The following PITPNM3 variants were observed in gnomAD, a reference collection of about 807,000 sequenced individuals.
PITPNM3 encodes the protein membrane-associated phosphatidylinositol transfer protein 3.
PITPNM3 carries 26 observed loss-of-function variants against 102.0 expected under a neutral mutation model. The observed-to-expected ratio is 0.25, with a 90% CI of 0.19 to 0.35. The LOEUF is 0.35. PITPNM3 is among the 10% of genes least tolerant of loss of function. PITPNM3 has a pLI of 1.00. For missense variants in PITPNM3, 1,083 were observed against 1,346.1 expected (o/e 0.80, Z 3.06); for synonymous variants, 578 against 558.6 (o/e 1.03, Z -0.49).
At chr17:6,520,571 A>G (rs537522531) in intron 3 of PITPNM3, among the ~76,000 whole-genome samples, 34 of 152,264 alleles carry the variant, frequency 2.2e-4, no homozygotes, top group Admixed American at 2.0e-3. Context: ...ACGTTGATCA[A>G]CTCCACAAGG....
intron 10 of PITPNM3, among the ~76,000 whole-genome samples, chr17:6,474,002 G>T (rs1348382283): frequency 6.7e-6 from 1 of 148,264 alleles, no homozygotes; most frequent in Non-Finnish European, 1.5e-5. Context: ...AAAAAAGGTT[G>T]CAGGTATTGC....
chr17:6,478,230 T>C lies in PITPNM3; in HGVS notation c.778-133A>G, dbSNP rs1435531185. ...TTGGGAGGTGTTGAGAGAGCCCAAC[T>C]GGGAAGCAGTGTGCAAACTGGGGAG... On this transcript the variant is annotated intron_variant, in intron 7 of 19. Transcript: ENST00000262483. This position sits in a 1 kb window ranked among gnomAD's most constrained non-coding sequence, Gnocchi z 4.4. 4.5e-5 allele frequency: 65 copies of C among 1,445,456 alleles called. No individual in the cohort carries two copies. In the South Asian group the frequency reaches 7.7e-4, roughly 17 times the overall value. 89.5% of individuals were successfully genotyped at this position (1,445,456 alleles called of 1,614,324 possible).
chr17:6,455,257 C>T lies in PITPNM3; in HGVS notation c.*81G>A. 6.8e-7 allele frequency: 1 copy of T among 1,461,354 alleles called. No homozygotes were observed. Among genetic ancestry groups the T allele is most frequent in the South Asian group, 1.3e-5 (1 of 75,384 alleles). The allele number at this position is 1,461,354 out of a possible 1,614,324, so 90.5% of individuals were successfully genotyped here. On this transcript the variant is annotated 3_prime_UTR_variant, in exon 20 of 20. Transcript: ENST00000262483. ...GGAAAAAGCAGGAAAACGCCTGTGT[C>T]GGGGAGAGGGCAGCCCCCTCCCGTC...
chr17:6,496,682 T>C (rs185795097), intron 4 of PITPNM3, among the ~76,000 whole-genome samples: 2 of 152,286 alleles, frequency 1.3e-5, no homozygotes, highest in African/African-American at 4.8e-5. Context: ...CTCTATTTTA[T>C]CCCCAAAGAC....
intron 4 of PITPNM3, among the ~76,000 whole-genome samples, chr17:6,503,169 G>C (rs564359784): frequency 2.0e-5 from 3 of 152,074 alleles, no homozygotes; most frequent in Admixed American, 6.5e-5. Flanking sequence ...CCCCATCCCC[G>C]TCCTCCTCTC....
At position 6,483,626 on chromosome 17, in the gene PITPNM3, C is replaced by A. The variant is rs145057485; in HGVS notation, c.478G>T (p.Val160Leu). The A allele has an allele frequency of 4.3e-6, 7 of 1,613,966 alleles. No homozygotes were observed. The highest frequency in any genetic ancestry group is 1.3e-5 in the African/African-American group (1 of 74,886). The part of the protein sequence containing the change: ...KAADIHTFSS[V>L]LEKVTRAHFP... ...TGGGCTCGTGTGACCTTCTCCAGCA[C>A]GGAGCTGAAGGTGTGGATGTCGGCT... The change falls in exon 6 of 20, where the codon GTG becomes TTG. Residue 160 changes from valine to leucine, a missense_variant. Val to Leu is a conservative substitution (Grantham distance 32, BLOSUM62 1). Around this residue, in one of 5 missense-constraint regions of PITPNM3, gnomAD observed 290 missense variants for 337.8 expected, o/e 0.86. Transcript: ENST00000262483.
rs1567662882 is a variant in PITPNM3 at position 6,468,222 on chromosome 17, C to T, written c.1890+3G>A. 1 of 1,612,702 alleles carries T rather than the reference C, an allele frequency of 6.2e-7. No individual in the cohort carries two copies. The highest frequency in any genetic ancestry group is 8.5e-7 in the Non-Finnish European group (1 of 1,179,752). On this transcript the variant is annotated splice_donor_region_variant and intron_variant, in intron 14 of 19. Transcript: ENST00000262483. This position sits in a 1 kb window ranked among gnomAD's most constrained non-coding sequence, Gnocchi z 5.2. ...GCCACATGCGAACTGAGCATGCACG[C>T]ACCCTCAGCTTGACCTGAGTCCGCT...
At chr17:6,522,912 C>A (rs1908619584) in intron 3 of PITPNM3, among the ~76,000 whole-genome samples, 1 of 152,072 alleles carries the variant, frequency 6.6e-6, no homozygotes, top group African/African-American at 2.4e-5. Context: ...GTCTTTATTC[C>A]CCCTACATTG....
At chr17:6,509,159 C>T (rs1480698436) in intron 3 of PITPNM3, among the ~76,000 whole-genome samples, 1 of 152,222 alleles carries the variant, frequency 6.6e-6, no homozygotes, top group Non-Finnish European at 1.5e-5. Flanking sequence ...TGAACTCACA[C>T]AGCCCTGGAA....
chr17:6,553,996 T>C (rs977793326), intron 1 of PITPNM3, among the ~76,000 whole-genome samples: 4 of 152,110 alleles, frequency 2.6e-5, no homozygotes, highest in Non-Finnish European at 5.9e-5. Context: ...TGTGTGTTGT[T>C]TTTGATTCAG....
At chr17:6,506,649 C>T (rs1234769919) in intron 3 of PITPNM3, among the ~76,000 whole-genome samples, 5 of 152,324 alleles carry the variant, frequency 3.3e-5, no homozygotes, top group African/African-American at 4.8e-5. Context: ...GGATTACAGG[C>T]GTGAGCCACC....
At position 6,455,102 on chromosome 17, in the gene PITPNM3, A is replaced by C; in HGVS notation, c.*236T>G. On this transcript the variant is annotated 3_prime_UTR_variant, in exon 20 of 20. Coordinates refer to ENST00000262483, the MANE Select transcript of PITPNM3 (RefSeq NM_031220.4). ...AACCCTGACTTGGGCTTGCGGTCGCAGGCCCGTGGGAGGCAGCAGTGGCTG... is the reference window on the plus strand; with the variant it reads ...AACCCTGACTTGGGCTTGCGGTCGCCGGCCCGTGGGAGGCAGCAGTGGCTG... 5 of 554,326 alleles carry C rather than the reference A, an allele frequency of 9.0e-6. 1 individual carries two copies. The South Asian group carries it at 1.1e-4, about 12-fold the overall frequency. 34.3% of individuals were successfully genotyped at this position (554,326 alleles called of 1,614,324 possible).
chr17:6,487,920 A>G (rs1906195652), intron 4 of PITPNM3, among the ~76,000 whole-genome samples: 1 of 152,144 alleles, frequency 6.6e-6, no homozygotes, highest in Non-Finnish European at 1.5e-5. Flanking sequence ...AGGAGGAAAG[A>G]GTCTCACCTC....
Position 6,489,143 on chromosome 17 carries a change from G to A in PITPNM3, c.275-4851C>T, listed in dbSNP as rs1337454400. Among the ~76,000 whole-genome samples the A allele has an allele frequency of 2.6e-5, 4 of 152,136 alleles. No homozygotes were observed. The East Asian group carries it at 5.8e-4, about 22-fold the overall frequency. On this transcript the variant is annotated intron_variant, in intron 4 of 19. Transcript: ENST00000262483. ...CAATGCGCCACACTGCTCTTGAGAC[G>A]AAAGCCAAGGTCATCACCCACACAC...
intron 6 of PITPNM3, chr17:6,479,721 G>A (rs937716199): frequency 6.6e-6 from 1 of 152,322 alleles, no homozygotes; most frequent in African/African-American, 2.4e-5. Context: ...AGTCCTCGTG[G>A]TGTACAAGGC....
rs1914021297 is a variant in PITPNM3, at chr17:6,455,004, C to T, written c.*334G>A. On this transcript the variant is annotated 3_prime_UTR_variant, in exon 20 of 20. Transcript: ENST00000262483. ...CCTAGCTCGCTGTGAAGCCTGGGGA[C>T]GCAGGAGGGTGGTCGACTTTGCCCA... 1 of 346,386 alleles carries T rather than the reference C, an allele frequency of 2.9e-6. No individual in the cohort carries two copies. 21.5% of individuals were successfully genotyped at this position (346,386 alleles called of 1,614,324 possible).
Position 6,468,575 on chromosome 17 carries a change from G to A in PITPNM3, c.1774-234C>T, listed in dbSNP as rs1241853892. Among the ~76,000 whole-genome samples, 4 of 152,086 alleles carry A rather than the reference G, an allele frequency of 2.6e-5. No individual in the cohort carries two copies. Among genetic ancestry groups the A allele is most frequent in the African/African-American group, 4.8e-5 (2 of 41,416 alleles). ...CCTTCCTGAGAGAAGTCTCTGCCCC[G>A]CTGTGCCCAAACCTGGCAGCCACCT... On this transcript the variant is annotated intron_variant, in intron 13 of 19. Coordinates refer to ENST00000262483, the MANE Select transcript of PITPNM3 (RefSeq NM_031220.4). The surrounding 1 kb of genome is among the most constrained non-coding windows in gnomAD (Gnocchi z 5.2).
intron 2 of PITPNM3, among the ~76,000 whole-genome samples, chr17:6,527,355 G>A (rs1363761633): frequency 1.3e-5 from 2 of 152,236 alleles, no homozygotes; most frequent in South Asian, 2.1e-4. Flanking sequence ...TGATATCATC[G>A]TAGGGCCTCT....
intron 1 of PITPNM3, among the ~76,000 whole-genome samples, chr17:6,543,472 C>T (rs1909839876): frequency 6.6e-6 from 1 of 152,260 alleles, no homozygotes; most frequent in Non-Finnish European, 1.5e-5. Flanking sequence ...GAGATGCCTC[C>T]CCCATGCTCA....
Sources: gnomAD v4.1 joint callset for allele counts (sites outside exome capture counted in the v4.1 genomes callset) on GRCh38, gnomAD v4.1.1 for gene constraint, gnomAD v4.1.1 regional missense constraint, Gnocchi (gnomAD v3.1) non-coding constraint, MANE v1.5 for transcripts, NCBI Gene and HGNC (gene_info 2026-07-23, HGNC 2026-07-21) for gene names.